Variants in ZNF365 observed in about 807,000 individuals in gnomAD.
ZNF365 encodes the protein protein ZNF365.
A neutral mutation model predicts 35.0 loss-of-function variants in ZNF365; 22 were observed. The observed-to-expected ratio is 0.63, with a 90% CI of 0.45 to 0.90. The LOEUF (loss-of-function observed/expected upper bound fraction) is 0.90, where lower values mean the gene tolerates loss of function less well. Among genes scored for constraint, ZNF365 ranks in the 40% least tolerant of loss-of-function variants. The pLI, the probability that ZNF365 is intolerant of heterozygous loss-of-function variation, is 0.00. For missense variants in ZNF365, 448 were observed against 500.3 expected, an observed-to-expected ratio of 0.90 and a Z score of 1.00; for synonymous variants, 188 against 196.2, an observed-to-expected ratio of 0.96 and a Z score of 0.35.
chr10:62,381,920 C>T (rs1223875034), intron 2 of ZNF365, among the ~76,000 whole-genome samples: 1 of 152,182 alleles, frequency 6.6e-6, no homozygotes, highest in Non-Finnish European at 1.5e-5. Flanking sequence ...GAAGACAAAT[C>T]TTTATTGAGT....
chr10:62,461,629 G>A (rs1425820669), intron 4 of ZNF365, among the ~76,000 whole-genome samples: 1 of 152,178 alleles, frequency 6.6e-6, no homozygotes, highest in Non-Finnish European at 1.5e-5. Flanking sequence ...GGACAACTTA[G>A]TAAAGTCACA....
chr10:62,377,074 C>T, intron 2 of ZNF365, 138 bp downstream of exon 2: 2 of 1,178,824 alleles, frequency 1.7e-6, no homozygotes, highest in Non-Finnish European at 1.2e-6. Flanking sequence ...ATAGTTGAAC[C>T]AGGAGGAACA....
chr10:62,386,717 A>G (rs956000476), intron 2 of ZNF365, among the ~76,000 whole-genome samples: 19 of 152,214 alleles, frequency 1.2e-4, no homozygotes, highest in African/African-American at 3.4e-4. Context: ...GGAGGTCACT[A>G]CCAGCTATTT....
chr10:62,440,596 C>T (rs1840483786), intron 3 of ZNF365, among the ~76,000 whole-genome samples: 1 of 152,092 alleles, frequency 6.6e-6, no homozygotes, highest in South Asian at 2.1e-4. Context: ...ATGCATTTAG[C>T]AAATTGACAG....
chr10:62,380,459 A>G (rs1017915843), intron 2 of ZNF365, among the ~76,000 whole-genome samples: 2 of 152,240 alleles, frequency 1.3e-5, no homozygotes, highest in African/African-American at 4.8e-5. Context: ...TTATGTTATC[A>G]GTAAGGCTTC....
At chr10:62,409,776 C>A (rs1367750497) in intron 3 of ZNF365, among the ~76,000 whole-genome samples, 1 of 152,112 alleles carries the variant, frequency 6.6e-6, no homozygotes, top group African/African-American at 2.4e-5. Flanking sequence ...AGATATTCAT[C>A]CATCCAACCA....
chr10:62,454,809 G>A (rs56086955), intron 3 of ZNF365, among the ~76,000 whole-genome samples: 5,701 of 152,228 alleles, frequency 0.037, 350 homozygotes, highest in African/African-American at 0.12. Flanking sequence ...CTCAAGGAGC[G>A]CATACTTGAG....
intron 3 of ZNF365, among the ~76,000 whole-genome samples, chr10:62,447,584 C>G (rs1840611228): frequency 6.6e-6 from 1 of 152,222 alleles, no homozygotes; most frequent in Non-Finnish European, 1.5e-5. Context: ...GGGACCTCAT[C>G]ATAGTGCAGG....
At chr10:62,475,633 C>T (rs767353868) in intron 4 of ZNF365, among the ~76,000 whole-genome samples, 4 of 152,078 alleles carry the variant, frequency 2.6e-5, no homozygotes, top group Non-Finnish European at 5.9e-5. Context: ...CACCAAGCTG[C>T]GACCAGATCC....
intron 4 of ZNF365, among the ~76,000 whole-genome samples, chr10:62,463,128 A>C (rs1840875390): frequency 6.6e-6 from 1 of 152,230 alleles, no homozygotes; most frequent in Admixed American, 6.5e-5. Flanking sequence ...ACCAACAAAC[A>C]GCTTCACTCT....
chr10:62,386,112 A>T (rs1490682238), intron 2 of ZNF365, among the ~76,000 whole-genome samples: 3 of 152,148 alleles, frequency 2.0e-5, no homozygotes, highest in African/African-American at 7.2e-5. Context: ...CTCCATCCCA[A>T]AGGACCTAAA....
At chr10:62,397,545 C>G (rs944165031) in intron 3 of ZNF365, among the ~76,000 whole-genome samples, 8 of 152,160 alleles carry the variant, frequency 5.3e-5, no homozygotes, top group African/African-American at 1.9e-4. Context: ...AAATACACTG[C>G]CTATACACTG....
chr10:62,405,034 G>T (rs901332321), downstream of ZNF365, among the ~76,000 whole-genome samples: 2 of 152,176 alleles, frequency 1.3e-5, no homozygotes, highest in African/African-American at 4.8e-5. Context: ...TGTACATCTT[G>T]TACTATTACC....
Position 62,401,858 on chromosome 10 carries a change from T to G in ZNF365, c.*2069T>G. The G allele has an allele frequency of 2.0e-6, 2 of 985,576 alleles. No individual in the cohort carries two copies. The highest frequency in any genetic ancestry group is 9.4e-5 in the South Asian group (2 of 21,290). The allele number at this position is 985,576 out of a possible 1,614,324, so 61.1% of individuals were successfully genotyped here. On this transcript the variant is annotated 3_prime_UTR_variant, in exon 5 of 5. Coordinates refer to ENST00000395254, the MANE Select transcript of ZNF365 (RefSeq NM_014951.3). ...CCATGATCTTCAGAAAGTACCATAA[T>G]GTCATCCTACTCTACATTTCACAAG...
chr10:62,415,707 G>T (rs985687298), intron 3 of ZNF365, among the ~76,000 whole-genome samples: 1 of 152,102 alleles, frequency 6.6e-6, no homozygotes, highest in Admixed American at 6.6e-5. Context: ...ATTGGCAGAG[G>T]TCTTGAAGGG....
Position 62,399,730 on chromosome 10 carries a change from G to T in ZNF365, c.1165G>T (p.Gly389Cys). 1 of 1,614,042 alleles carries T rather than the reference G, an allele frequency of 6.2e-7. No individual in the cohort carries two copies. Among genetic ancestry groups the T allele is most frequent in the Non-Finnish European group, 8.5e-7 (1 of 1,180,020 alleles). ...GGAGCTCCTGGGGTTTGGCCGCAAA[G>T]GCAACATCAGGCCCAAAATGGCTAA... The part of the protein sequence containing the change: ...KGELLGFGRK[G>C]NIRPKMAKKK... Residue 389 changes from glycine to cysteine, a missense_variant, in exon 5 of 5, where the codon GGC becomes TGC. Coordinates refer to ENST00000395254, the MANE Select transcript of ZNF365 (RefSeq NM_014951.3).
intron 3 of ZNF365, among the ~76,000 whole-genome samples, chr10:62,409,647 T>C (rs888194634): frequency 6.6e-6 from 1 of 152,116 alleles, no homozygotes; most frequent in Non-Finnish European, 1.5e-5. Flanking sequence ...GAGTACTACA[T>C]ATGCCTAATA....
intron 3 of ZNF365, among the ~76,000 whole-genome samples, chr10:62,442,064 GGA>G (rs1840510335): frequency 1.3e-5 from 2 of 152,134 alleles, no homozygotes; most frequent in South Asian, 4.1e-4. Flanking sequence ...CAGATGCTTG[GGA>G]CATGTCTTAC....
intron 3 of ZNF365, among the ~76,000 whole-genome samples, chr10:62,424,329 A>G (rs1840219336): frequency 1.3e-5 from 2 of 152,198 alleles, no homozygotes; most frequent in East Asian, 3.8e-4. Context: ...CACCAGTACC[A>G]TGTCCAGCTC....
Sources: allele counts gnomAD v4.1 joint callset (sites outside exome capture counted in the v4.1 genomes callset), GRCh38; gene constraint gnomAD v4.1.1; transcripts MANE v1.5; gene names NCBI Gene and HGNC (gene_info 2026-07-23, HGNC 2026-07-21).